SLC39A11: variants seen among roughly 807,000 people sequenced by gnomAD.
SLC39A11 encodes the protein solute carrier family 39 member 11.
Under a neutral mutation model 36.1 loss-of-function variants are expected in SLC39A11, and 33 were observed. The observed-to-expected ratio is 0.91, with a 90% CI of 0.69 to 1.22. The LOEUF (loss-of-function observed/expected upper bound fraction) is 1.22, where lower values mean the gene tolerates loss of function less well. SLC39A11 is among the 50% of genes most tolerant of loss of function. SLC39A11 has a pLI of 0.00. For synonymous variants in SLC39A11, 166 were observed against 170.3 expected (o/e 0.97, Z 0.20); for missense variants, 432 against 430.3 (o/e 1.00, Z -0.03).
chr17:72,951,694 C>T, intron 4 of SLC39A11, among the ~76,000 whole-genome samples: 1 of 152,138 alleles, frequency 6.6e-6, no homozygotes, highest in East Asian at 1.9e-4. Flanking sequence ...AAACCAGAAC[C>T]TAGCCCATAT....
intron 6 of SLC39A11, among the ~76,000 whole-genome samples, chr17:72,834,633 CAATAAAATAA>C (rs139007121): frequency 0.02 from 2,943 of 148,318 alleles, 98 homozygotes; most frequent in African/African-American, 0.068. Flanking sequence ...ATAAACAAAA[CAATAAAATAA>C]AATAAAATAA....
chr17:73,080,051 A>G (rs991450425), intron 3 of SLC39A11, among the ~76,000 whole-genome samples: 2 of 152,192 alleles, frequency 1.3e-5, no homozygotes, highest in African/African-American at 4.8e-5. Context: ...GGTAAAAATG[A>G]CCACACTGCC....
chr17:72,751,490 T>C (rs2075154215), intron 6 of SLC39A11, among the ~76,000 whole-genome samples: 1 of 152,230 alleles, frequency 6.6e-6, no homozygotes, highest in Non-Finnish European at 1.5e-5. Flanking sequence ...TAACATGTAA[T>C]TGAGCATCTT....
chr17:73,031,694 A>C lies in SLC39A11; in HGVS notation c.168T>G (p.Tyr56Ter). 3.7e-6 allele frequency: 6 copies of C among 1,613,776 alleles called. No individual in the cohort carries two copies. Among genetic ancestry groups the C allele is most frequent in the Non-Finnish European group, 5.1e-6 (6 of 1,179,986 alleles). ...FAAGVMLAAS[Y>*]WSLLAPAVEM... The stretch of plus-strand genomic sequence containing the variant: ...CAACTGCTGGGGCCAGAAGAGACCA[A>C]TAGGAAGCTGCCAACATGACCTACA... Residue 56 changes from tyrosine (Y) to a stop codon, truncating the protein, a stop_gained, in exon 4 of 10, where the codon TAT (tyrosine) becomes TAG (stop). Transcript: ENST00000255559. LOFTEE classifies it high-confidence loss of function.
At chr17:73,023,559 G>A (rs775537251) in intron 4 of SLC39A11, among the ~76,000 whole-genome samples, 11 of 151,712 alleles carry the variant, frequency 7.3e-5, no homozygotes, top group Non-Finnish European at 1.3e-4. Context: ...GTGTGATCTC[G>A]GCTCACTGCA....
At chr17:72,724,763 GA>G (rs2143664096) in intron 7 of SLC39A11, among the ~76,000 whole-genome samples, 1 of 151,438 alleles carries the variant, frequency 6.6e-6, no homozygotes, top group African/African-American at 2.4e-5. Context: ...ATTCCATCCA[GA>G]GTGTTCGCTT....
rs1491387403 is a variant in SLC39A11 at position 73,004,202 on chromosome 17, A to AG, written c.306+27353dup. Among the ~76,000 whole-genome samples the AG allele has an allele frequency of 2.0e-3, 246 of 125,052 alleles. 8 individuals are homozygous for AG. The highest frequency in any genetic ancestry group is 5.8e-3 in the African/African-American group (202 of 34,548). The allele number at this position is 125,052 out of a possible 152,430, so 82.0% of individuals were successfully genotyped here. On this transcript the variant is annotated intron_variant, in intron 4 of 9. Coordinates refer to ENST00000255559, the MANE Select transcript of SLC39A11 (RefSeq NM_139177.4). ...AAGAAAGAAAGAAAGAAAGAAAGAA[A>AG]GAAAGAAAGAAAGAAAGAAAGAAAG... is the stretch of plus-strand genomic sequence containing the variant.
intron 6 of SLC39A11, among the ~76,000 whole-genome samples, chr17:72,754,612 G>A (rs1048928449): frequency 8.5e-5 from 13 of 152,126 alleles, no homozygotes; most frequent in Admixed American, 2.0e-4. Context: ...TGGAATGATG[G>A]GACAGTGGAT....
chr17:72,698,527 G>A (rs1423788526), intron 7 of SLC39A11, among the ~76,000 whole-genome samples: 1 of 150,492 alleles, frequency 6.6e-6, no homozygotes, highest in Admixed American at 6.6e-5. Flanking sequence ...GAGCATATGG[G>A]GTTTTATGAT....
intron 3 of SLC39A11, among the ~76,000 whole-genome samples, chr17:73,056,796 C>T (rs1013984100): frequency 3.3e-5 from 5 of 152,140 alleles, no homozygotes; most frequent in African/African-American, 1.2e-4. Flanking sequence ...ATTTCATGTA[C>T]AAGAACTATG....
chr17:72,997,227 T>C (rs960713076), intron 4 of SLC39A11, among the ~76,000 whole-genome samples: 10 of 152,188 alleles, frequency 6.6e-5, no homozygotes, highest in African/African-American at 2.4e-4. Context: ...CGAGCCGGCC[T>C]GCTGCAAGGT....
At chr17:72,942,953 T>C (rs940129611) in intron 5 of SLC39A11, among the ~76,000 whole-genome samples, 2 of 152,312 alleles carry the variant, frequency 1.3e-5, no homozygotes, top group East Asian at 3.9e-4. Flanking sequence ...TAAGCAGTAG[T>C]AAAACATGAA....
At chr17:72,785,871 G>C (rs562898030) in intron 6 of SLC39A11, among the ~76,000 whole-genome samples, 7 of 152,272 alleles carry the variant, frequency 4.6e-5, no homozygotes, top group African/African-American at 1.7e-4. Context: ...TTCACATACA[G>C]GTATGCAAAA....
At chr17:72,991,022 G>C (rs1480661366) in intron 4 of SLC39A11, among the ~76,000 whole-genome samples, 2 of 152,132 alleles carry the variant, frequency 1.3e-5, no homozygotes, top group Admixed American at 1.3e-4. Context: ...CAGAAATGTA[G>C]AAGAGTACAG....
At chr17:73,064,850 T>A (rs1191688281) in intron 3 of SLC39A11, among the ~76,000 whole-genome samples, 1 of 152,032 alleles carries the variant, frequency 6.6e-6, no homozygotes, top group Non-Finnish European at 1.5e-5. Flanking sequence ...GCTCCTCTGG[T>A]CTCCGTGCTT....
intron 3 of SLC39A11, among the ~76,000 whole-genome samples, chr17:73,083,610 A>G (rs1443832129): frequency 6.6e-6 from 1 of 152,238 alleles, no homozygotes; most frequent in Non-Finnish European, 1.5e-5. Context: ...CTCAGCTTAC[A>G]GGAAATACAG....
rs56683129 is a variant in SLC39A11, at chr17:72,734,013, T to C, written c.671+2637A>G. Among the ~76,000 whole-genome samples the C allele has an allele frequency of 9.5e-3, 1,451 of 152,250 alleles. 24 individuals are homozygous for C. Among genetic ancestry groups the C allele is most frequent in the East Asian group, 0.043 (221 of 5,164 alleles). On this transcript the variant is annotated intron_variant, in intron 7 of 9. Coordinates refer to ENST00000255559, the MANE Select transcript of SLC39A11 (RefSeq NM_139177.4). The stretch of plus-strand genomic sequence containing the variant: ...CCGACCTGCTATGAGTTGAGCATTC[T>C]ACAGCCTTGCAGGGTGGTAGGCTCT...
At chr17:72,969,015 A>G (rs959981791) in intron 4 of SLC39A11, among the ~76,000 whole-genome samples, 1 of 151,906 alleles carries the variant, frequency 6.6e-6, no homozygotes, top group Admixed American at 6.6e-5. Flanking sequence ...AATGCCATCA[A>G]AGGACAGGCC....
intron 2 of SLC39A11, 88 bp downstream of exon 2, chr17:73,088,569 G>C (rs2060817818): frequency 9.5e-7 from 1 of 1,049,398 alleles, no homozygotes; most frequent in African/African-American, 1.6e-5. Flanking sequence ...GCACTGAAAA[G>C]TCTACAAACC....
Sources: gnomAD v4.1 joint callset for allele counts (sites outside exome capture counted in the v4.1 genomes callset) on GRCh38, gnomAD v4.1.1 for gene constraint, MANE v1.5 for transcripts, NCBI Gene and HGNC (gene_info 2026-07-23, HGNC 2026-07-21) for gene names.